TEKT1: variants seen among roughly 807,000 people sequenced by gnomAD.
TEKT1 encodes the protein tektin-1.
In TEKT1, 32 loss-of-function variants were observed where a neutral mutation model predicts 34.8. That is an observed-to-expected ratio of 0.92 (90% CI 0.69 to 1.23). The LOEUF (loss-of-function observed/expected upper bound fraction) is 1.23, where lower values mean the gene tolerates loss of function less well. Among genes scored for constraint, TEKT1 ranks in the 50% most tolerant of loss-of-function variants. TEKT1 has a pLI of 0.00. For synonymous variants in TEKT1, 207 were observed against 199.8 expected, an observed-to-expected ratio of 1.04 and a Z score of -0.30; for missense variants, 492 against 518.5, an observed-to-expected ratio of 0.95 and a Z score of 0.50.
intron 2 of TEKT1, among the ~76,000 whole-genome samples, chr17:6,821,540 A>C (rs949313349): frequency 7.2e-5 from 11 of 152,194 alleles, no homozygotes; most frequent in Non-Finnish European, 1.6e-4. Flanking sequence ...GCAGTGTGAA[A>C]ATTGACTGAT....
intron 6 of TEKT1, among the ~76,000 whole-genome samples, chr17:6,802,867 A>G (rs140983148): frequency 0.048 from 7,330 of 152,310 alleles, 255 homozygotes; most frequent in Middle Eastern, 0.12. Context: ...GTTGTTGGAC[A>G]TTTGGGTTGG....
At chr17:6,808,205 T>C (rs7217317) in intron 6 of TEKT1, among the ~76,000 whole-genome samples, 12,509 of 152,218 alleles carry the variant, frequency 0.082, 639 homozygotes, top group Middle Eastern at 0.19. Context: ...ACCTTGCAAT[T>C]TGATCTCAGA....
rs377281090 is a variant in TEKT1, at chr17:6,829,109, C to T, written c.190+1078G>A. 2.6e-5 allele frequency among the ~76,000 whole-genome samples: 4 copies of T among 152,154 alleles called. No individual in the cohort carries two copies. In the East Asian group the frequency reaches 5.8e-4, roughly 22 times the overall value. On this transcript the variant is annotated intron_variant, in intron 2 of 7. Transcript: ENST00000338694. ...GAGATTGCAGTGAGCTGAGATTGTG[C>T]CACTGTACTCTGGCCTGTGTGATGG...
At chr17:6,810,062 C>A (rs1292766451) in intron 6 of TEKT1, among the ~76,000 whole-genome samples, 1 of 152,186 alleles carries the variant, frequency 6.6e-6, no homozygotes, top group Non-Finnish European at 1.5e-5. Flanking sequence ...GAAACTGCCA[C>A]CCTCTCTTCC....
chr17:6,815,925 C>A lies in TEKT1; in HGVS notation c.394G>T (p.Val132Leu). 1 of 1,614,178 alleles carries A rather than the reference C, an allele frequency of 6.2e-7. No homozygotes were observed. Among genetic ancestry groups the A allele is most frequent in the Non-Finnish European group, 8.5e-7 (1 of 1,180,046 alleles). ...RIGIDLVHDT[V>L]EHELIKEAEI... ...GCCTCCTTTATCAGCTCATGCTCCA[C>A]TGTGTCGTGCACCAGGTCAATGCCA... Residue 132 changes from valine (V) to leucine (L), a missense_variant, in exon 4 of 8, where the codon GTG (valine) becomes TTG (leucine). By Grantham distance (32) the Val-to-Leu change is conservative. Transcript: ENST00000338694.
At chr17:6,830,437 T>C in intron 1 of TEKT1, 44 bp from the exon 2 acceptor site, 3 of 1,305,766 alleles carry the variant, frequency 2.3e-6, no homozygotes, top group Non-Finnish European at 3.1e-6. Flanking sequence ...AAGCAATTTG[T>C]CCTTTTTTAT....
At chr17:6,825,689 G>T (rs914209987) in intron 2 of TEKT1, among the ~76,000 whole-genome samples, 11 of 151,982 alleles carry the variant, frequency 7.2e-5, no homozygotes, top group African/African-American at 2.7e-4. Context: ...TATTTGGTTT[G>T]TTTTACTTTA....
chr17:6,805,845 T>C (rs1423187295), intron 6 of TEKT1, among the ~76,000 whole-genome samples: 4 of 152,256 alleles, frequency 2.6e-5, no homozygotes. Context: ...TTTGTTATGA[T>C]GTCCTTTCTT....
intron 6 of TEKT1, among the ~76,000 whole-genome samples, chr17:6,808,442 C>T (rs369694242): frequency 2.0e-5 from 3 of 152,246 alleles, no homozygotes; most frequent in African/African-American, 2.4e-5. Flanking sequence ...CACCGTGCTT[C>T]GGCTTATGCT....
In TEKT1 at chr17:6,815,971, G is replaced by A; in HGVS notation, c.357-9C>T. On this transcript the variant is annotated splice_polypyrimidine_tract_variant and intron_variant, in intron 3 of 7. Transcript: ENST00000338694. ...TGCCAATGCGCTTCTCCCTGGCAGG[G>A]GGAAAGGCAGCCAGTCAGCCAACAC... 6.2e-7 allele frequency: 1 copy of A among 1,613,548 alleles called. No homozygotes were observed. Among genetic ancestry groups the A allele is most frequent in the Non-Finnish European group, 8.5e-7 (1 of 1,179,996 alleles).
rs150740447 is a variant in TEKT1, at chr17:6,828,981, T to C, written c.190+1206A>G. Reference sequence around the variant, plus strand: ...GCCTGGCCAACATGATGAAACCCCGTCTCTACCAAAAATACAAAAATTAGC... The same window carrying C: ...GCCTGGCCAACATGATGAAACCCCGCCTCTACCAAAAATACAAAAATTAGC... On this transcript the variant is annotated intron_variant, in intron 2 of 7. Transcript: ENST00000338694. Among the ~76,000 whole-genome samples, 1,018 of 151,894 alleles carry C rather than the reference T, an allele frequency of 6.7e-3. 8 individuals carry two copies. Among genetic ancestry groups the C allele is most frequent in the Middle Eastern group, 0.024 (7 of 294 alleles).
At chr17:6,808,310 T>A (rs991634627) in intron 6 of TEKT1, among the ~76,000 whole-genome samples, 2 of 152,172 alleles carry the variant, frequency 1.3e-5, no homozygotes, top group Non-Finnish European at 2.9e-5. Context: ...GCTAAGACCG[T>A]TGGGAAAGCG....
chr17:6,810,973 C>G (rs1976919555), intron 6 of TEKT1, among the ~76,000 whole-genome samples: 1 of 152,186 alleles, frequency 6.6e-6, no homozygotes, highest in Non-Finnish European at 1.5e-5. Flanking sequence ...CTCCTGACCT[C>G]TCAGGTGATC....
chr17:6,801,561 A>G lies in TEKT1; in HGVS notation c.853-618T>C, dbSNP rs144913781. On this transcript the variant is annotated intron_variant, in intron 6 of 7. Coordinates refer to ENST00000338694, the MANE Select transcript of TEKT1 (RefSeq NM_053285.2). ...CAACTCTACTAAAAATACAAAAATT[A>G]GCCGGGTGTTGTGGCACACACCTGT... is the stretch of plus-strand genomic sequence containing the variant. Among the ~76,000 whole-genome samples the G allele has an allele frequency of 7.7e-3, 1,177 of 152,220 alleles. 21 individuals are homozygous for G. The highest frequency in any genetic ancestry group is 0.027 in the African/African-American group (1,138 of 41,528).
chr17:6,816,302 T>C (rs1977007967), intron 3 of TEKT1, among the ~76,000 whole-genome samples: 2 of 152,204 alleles, frequency 1.3e-5, no homozygotes, highest in South Asian at 2.1e-4. Flanking sequence ...TACATAGGTA[T>C]ACATGTGCCA....
intron 3 of TEKT1, among the ~76,000 whole-genome samples, chr17:6,816,907 T>C (rs1285037204): frequency 6.6e-6 from 1 of 152,192 alleles, no homozygotes; most frequent in Admixed American, 6.5e-5. Context: ...TTTCCTGACT[T>C]TTTAATGGTT....
chr17:6,802,535 G>A (rs1274064295), intron 6 of TEKT1, among the ~76,000 whole-genome samples: 2 of 151,370 alleles, frequency 1.3e-5, no homozygotes, highest in Non-Finnish European at 2.9e-5. Context: ...ACAACGTGCA[G>A]GTTTGTTACA....
intron 2 of TEKT1, among the ~76,000 whole-genome samples, chr17:6,819,866 T>A (rs1597792202): frequency 1.3e-5 from 2 of 152,190 alleles, no homozygotes; most frequent in East Asian, 3.9e-4. Flanking sequence ...TTTTTGTATT[T>A]TTTAGTAGAG....
chr17:6,815,035 A>G, intron 5 of TEKT1, 128 bp downstream of exon 5: 1 of 1,181,928 alleles, frequency 8.5e-7, no homozygotes, highest in Non-Finnish European at 1.2e-6. Context: ...GTCACCATTC[A>G]ATGCTGCCTT....
Sources: gnomAD v4.1 joint callset for allele counts (sites outside exome capture counted in the v4.1 genomes callset) on GRCh38, gnomAD v4.1.1 for gene constraint, MANE v1.5 for transcripts, NCBI Gene and HGNC (gene_info 2026-07-23, HGNC 2026-07-21) for gene names.